Variants in FRAS1 observed in about 807,000 individuals in gnomAD.
The protein encoded by FRAS1 is Fraser extracellular matrix complex subunit 1, also known as extracellular matrix organizing protein FRAS1.
Under a neutral mutation model 435.2 loss-of-function variants are expected in FRAS1, and 290 were observed. The observed-to-expected ratio is 0.67, with a 90% CI of 0.61 to 0.73. FRAS1 has a LOEUF of 0.73. FRAS1 is among the 30% of genes least tolerant of loss of function. FRAS1 has a pLI of 0.00. For missense variants in FRAS1, 4,860 were observed against 5,001.5 expected, an observed-to-expected ratio of 0.97 and a Z score of 0.85; for synonymous variants, 1,800 against 1,851.0, an observed-to-expected ratio of 0.97 and a Z score of 0.71.
intron 72 of FRAS1, among the ~76,000 whole-genome samples, 164 bp from the exon 73 acceptor site, chr4:78,539,130 A>G (rs1350584591): frequency 6.6e-6 from 1 of 152,098 alleles, no homozygotes; most frequent in Non-Finnish European, 1.5e-5. Context: ...GCCAAACCAT[A>G]TCAGGCAGCC....
intron 29 of FRAS1, among the ~76,000 whole-genome samples, chr4:78,395,339 G>A (rs1251904252): frequency 2.0e-5 from 3 of 151,942 alleles, no homozygotes; most frequent in Non-Finnish European, 1.5e-5. Flanking sequence ...TTCTGCTGCT[G>A]TTATATGTAA....
At chr4:78,293,781 G>C (rs1400115122) in intron 14 of FRAS1, among the ~76,000 whole-genome samples, 5 of 152,204 alleles carry the variant, frequency 3.3e-5, no homozygotes, top group African/African-American at 1.2e-4. Flanking sequence ...GGAGAGAAGA[G>C]GGGAAAACAG....
At chr4:78,363,386 T>C in intron 20 of FRAS1, 127 bp from the exon 21 acceptor site, 1 of 919,178 alleles carries the variant, frequency 1.1e-6, no homozygotes, top group South Asian at 1.9e-5. Flanking sequence ...ATACACTGCC[T>C]TTGGGCTACT....
chr4:78,070,689 A>AT (rs1281191343), intron 2 of FRAS1: 1 of 152,104 alleles, frequency 6.6e-6, no homozygotes, highest in Non-Finnish European at 1.5e-5. Context: ...AGGAAAATTA[A>AT]TTTTTCATTT....
At chr4:78,188,279 G>GTCTATCTATCTA (rs998341866) in intron 2 of FRAS1, among the ~76,000 whole-genome samples, 75 of 25,630 alleles carry the variant, frequency 2.9e-3, no homozygotes, top group African/African-American at 5.1e-3. Context: ...CTATCTGTCT[G>GTCTATCTATCTA]TCTATCTATC....
chr4:78,272,616 G>A (rs1242596922), intron 9 of FRAS1, among the ~76,000 whole-genome samples: 1 of 152,128 alleles, frequency 6.6e-6, no homozygotes, highest in Non-Finnish European at 1.5e-5. Flanking sequence ...AATATCAGAT[G>A]GTTGTAGATA....
At chr4:78,214,166 A>G (rs1220742656) in intron 2 of FRAS1, among the ~76,000 whole-genome samples, 1 of 152,194 alleles carries the variant, frequency 6.6e-6, no homozygotes, top group African/African-American at 2.4e-5. Context: ...CTCCTTTCTT[A>G]AATCTTGCTC....
At chr4:78,116,348 C>T (rs1435822577) in intron 2 of FRAS1, among the ~76,000 whole-genome samples, 1 of 151,936 alleles carries the variant, frequency 6.6e-6, no homozygotes, top group Non-Finnish European at 1.5e-5. Flanking sequence ...TATTAGGTTG[C>T]CTTGGTGCAG....
At chr4:78,371,743 C>T (rs1217305469) in intron 23 of FRAS1, among the ~76,000 whole-genome samples, 2 of 152,194 alleles carry the variant, frequency 1.3e-5, no homozygotes, top group Admixed American at 1.3e-4. Flanking sequence ...GGTAGCACTT[C>T]CCTTACCAGC....
intron 2 of FRAS1, among the ~76,000 whole-genome samples, chr4:78,143,927 G>A (rs1426561201): frequency 6.9e-6 from 1 of 145,664 alleles, no homozygotes; most frequent in Non-Finnish European, 1.5e-5. Context: ...AAAAAAAGTT[G>A]AAGTCTAGGA....
At chr4:78,119,189 G>C (rs959646603) in intron 2 of FRAS1, among the ~76,000 whole-genome samples, 1 of 152,124 alleles carries the variant, frequency 6.6e-6, no homozygotes, top group Non-Finnish European at 1.5e-5. Context: ...TTTGGGTTGG[G>C]AACATTGAAT....
intron 22 of FRAS1, 85 bp downstream of exon 22, chr4:78,364,139 C>T (rs1331232118): frequency 7.2e-7 from 1 of 1,397,388 alleles, no homozygotes; most frequent in Non-Finnish European, 9.7e-7. Context: ...GTTCTTACTT[C>T]CATCTTCTCA....
intron 20 of FRAS1, among the ~76,000 whole-genome samples, chr4:78,360,109 C>T (rs1014738462): frequency 6.6e-6 from 1 of 152,132 alleles, no homozygotes; most frequent in Admixed American, 6.5e-5. Context: ...ATTTATAAGT[C>T]GGTTGGAGGC....
At chr4:78,393,757 A>C (rs941570951) in intron 29 of FRAS1, among the ~76,000 whole-genome samples, 1 of 152,064 alleles carries the variant, frequency 6.6e-6, no homozygotes, top group Admixed American at 6.6e-5. Flanking sequence ...TGCTGATTTC[A>C]TTTACTTTGG....
chr4:78,089,826 G>T (rs1333348167), intron 2 of FRAS1, among the ~76,000 whole-genome samples: 1 of 152,004 alleles, frequency 6.6e-6, no homozygotes, highest in Non-Finnish European at 1.5e-5. Context: ...TCGTGTCATG[G>T]GAGTTTGTTG....
rs1225535030 is a variant in FRAS1 at position 78,245,274 on chromosome 4, G to C, written c.258G>C (p.Glu86Asp). The change falls in exon 4 of 74, where the codon GAG (glutamate) becomes GAC (aspartate). Residue 86 changes from glutamate (E) to aspartate (D), a missense_variant. Glu to Asp is a conservative substitution (Grantham distance 45). Coordinates refer to ENST00000512123, the MANE Select transcript of FRAS1 (RefSeq NM_025074.7). ...TAGCTGCCAACCAATGCTGTCCTGA[G>C]TGTGTTTTGAGGACTCCAGGATCTT... The part of the protein sequence containing the change: ...LQIAANQCCP[E>D]CVLRTPGSCH... 2 of 1,609,572 alleles carry C rather than the reference G, an allele frequency of 1.2e-6. No individual in the cohort carries two copies. The highest frequency in any genetic ancestry group is 2.7e-5 in the African/African-American group (2 of 74,842).
At chr4:78,330,082 C>G (rs1238531707) in intron 18 of FRAS1, among the ~76,000 whole-genome samples, 1 of 152,202 alleles carries the variant, frequency 6.6e-6, no homozygotes, top group Non-Finnish European at 1.5e-5. Context: ...GGACCCCAAA[C>G]AGAGGGACCG....
chr4:78,494,024 T>C (rs73828005), intron 59 of FRAS1, among the ~76,000 whole-genome samples: 128 of 152,134 alleles, frequency 8.4e-4, no homozygotes, highest in African/African-American at 3.0e-3. Context: ...TTTTTATTCA[T>C]TTTGTTTTAC....
chr4:78,223,017 T>C (rs989279299), intron 2 of FRAS1, among the ~76,000 whole-genome samples: 1 of 152,190 alleles, frequency 6.6e-6, no homozygotes, highest in African/African-American at 2.4e-5. Flanking sequence ...ACTTGATACC[T>C]GCTTCTTTTC....
Sources: allele counts gnomAD v4.1 joint callset (sites outside exome capture counted in the v4.1 genomes callset), GRCh38; gene constraint gnomAD v4.1.1; transcripts MANE v1.5; gene names NCBI Gene and HGNC (gene_info 2026-07-23, HGNC 2026-07-21).